Variants in AHNAK2 observed in about 807,000 individuals in gnomAD.
AHNAK2 encodes the protein AHNAK nucleoprotein 2, also known as protein AHNAK2.
A neutral mutation model predicts 30.7 loss-of-function variants in AHNAK2; 18 were observed. That is an observed-to-expected ratio of 0.59 (90% confidence interval 0.41 to 0.87). The LOEUF (loss-of-function observed/expected upper bound fraction) is 0.87. Among genes scored for constraint, AHNAK2 ranks in the 40% least tolerant of loss-of-function variants. The pLI is 0.00. For synonymous variants in AHNAK2, 3,590 were observed against 3,073.8 expected, an observed-to-expected ratio of 1.17 and a Z score of -5.56; for missense variants, 8,604 against 7,373.0, an observed-to-expected ratio of 1.17 and a Z score of -6.11.
chr14:104,941,196 C>T lies in AHNAK2; in HGVS notation c.14255G>A (p.Cys4752Tyr). 1.2e-6 allele frequency: 2 copies of T among 1,613,460 alleles called. No individual in the cohort carries two copies. The highest frequency in any genetic ancestry group is 1.1e-5 in the South Asian group (1 of 91,076). ...AGGCATCTGCATGGATGGCTCTGAA[C>T]AAGCCGAAACCTGTTGTAATTCAAA... The part of the protein sequence containing the change: ...SSFELQQVSA[C>Y]SEPSMQMPKV... The change falls in exon 7 of 7, where the codon TGT (cysteine) becomes TAT (tyrosine). Residue 4752 changes from cysteine to tyrosine, a missense_variant. By Grantham distance (194) the Cys-to-Tyr change is radical. Coordinates refer to ENST00000333244, the MANE Select transcript of AHNAK2 (RefSeq NM_138420.4).
intron 2 of AHNAK2, 41 bp downstream of exon 2, chr14:104,957,573 C>T (rs1899015467): frequency 1.2e-6 from 2 of 1,602,024 alleles, no homozygotes; most frequent in African/African-American, 1.3e-5. Flanking sequence ...AGAATGGGGG[C>T]AGGGTATGAG....
At chr14:104,970,830 A>T (rs532885969) in intron 1 of AHNAK2, among the ~76,000 whole-genome samples, 1 of 152,294 alleles carries the variant, frequency 6.6e-6, no homozygotes, top group South Asian at 2.1e-4. Context: ...GTGGACAGAC[A>T]CAGGCCTGAG....
At chr14:104,965,557 C>A (rs1234930954) in intron 1 of AHNAK2, among the ~76,000 whole-genome samples, 11 of 152,176 alleles carry the variant, frequency 7.2e-5, no homozygotes, top group Non-Finnish European at 1.6e-4. Flanking sequence ...CCAACTCTGG[C>A]GCCCTGGCCT....
rs377408094 is a variant in AHNAK2 at position 104,955,579 on chromosome 14, T to C, written c.370A>G (p.Ser124Gly). ...CCACCACCTGTGACACTGTAGCCAC[T>C]GGCTCCTGCCTCCACCTCTGTCTTC... ...TLKTEVEAGASGYSVTGGGDQ... is the reference protein window; with the variant it reads ...TLKTEVEAGAGGYSVTGGGDQ... The change falls in exon 5 of 7, where the codon AGT (serine) becomes GGT (glycine). Residue 124 changes from serine (S) to glycine (G), a missense_variant. Transcript: ENST00000333244. The C allele has an allele frequency of 1.2e-4, 189 of 1,613,608 alleles. No individual in the cohort carries two copies. The highest frequency in any genetic ancestry group is 1.5e-4 in the Non-Finnish European group (177 of 1,179,848).
chr14:104,958,464 A>C (rs1001597345), intron 1 of AHNAK2, among the ~76,000 whole-genome samples: 2 of 152,172 alleles, frequency 1.3e-5, no homozygotes, highest in Non-Finnish European at 2.9e-5. Context: ...GAAAAAAAAA[A>C]GTTTGTTCAA....
rs769452472 is a variant in AHNAK2, at chr14:104,946,265, G to A, written c.9186C>T (p.Pro3062=). Residue 3062 remains proline, a synonymous_variant, in exon 7 of 7, where the codon CCC becomes CCT. Coordinates refer to ENST00000333244, the MANE Select transcript of AHNAK2 (RefSeq NM_138420.4). ...TCTTGAAACTGGGCATCTGCAACTT[G>A]GGCAGGTGCCCTTTGAGGCCAGCTC... ...PEGAGLKGHL[P]KLQMPSFKMP... The A allele has an allele frequency of 1.1e-5, 18 of 1,609,906 alleles. No homozygotes were observed. Among genetic ancestry groups the A allele is most frequent in the Non-Finnish European group, 1.3e-5 (15 of 1,178,534 alleles).
chr14:104,967,951 G>A (rs867580938), intron 1 of AHNAK2, among the ~76,000 whole-genome samples: 2 of 152,214 alleles, frequency 1.3e-5, no homozygotes, highest in Admixed American at 6.5e-5. Context: ...GCCTTTGCCC[G>A]CCCGGCCTCC....
In AHNAK2 at chr14:104,953,166, T is replaced by C; in HGVS notation, c.2285A>G (p.Gln762Arg). 6.2e-7 allele frequency: 1 copy of C among 1,613,190 alleles called. No homozygotes were observed. Reference sequence around the variant, plus strand: ...TTTGGGCATCTTCAAACTGGGCCTCTGCACCTTGGGCAGGTGCCCTTTGAG... The same window carrying C: ...TTTGGGCATCTTCAAACTGGGCCTCCGCACCTTGGGCAGGTGCCCTTTGAG... ...ASLKGHLPKV[Q>R]RPSLKMPKVD... The change falls in exon 7 of 7, where the codon CAG becomes CGG. Residue 762 changes from glutamine (Q) to arginine (R), a missense_variant. By Grantham distance (43) the Gln-to-Arg change is conservative. Coordinates refer to ENST00000333244, the MANE Select transcript of AHNAK2 (RefSeq NM_138420.4).
At chr14:104,969,418 C>T (rs1899408829) in intron 1 of AHNAK2, among the ~76,000 whole-genome samples, 1 of 152,380 alleles carries the variant, frequency 6.6e-6, no homozygotes, top group Non-Finnish European at 1.5e-5. Flanking sequence ...CACAGGCGCT[C>T]TCTCTCTGGG....
At position 104,941,123 on chromosome 14, in the gene AHNAK2, A is replaced by T; in HGVS notation, c.14328T>A (p.Gly4776=). ...AGAGAATAGAAGATTCAAAGTGAGG[A>T]CCAGTGAGATCAAGCCGGGATGATG... is the stretch of plus-strand genomic sequence containing the variant. ...GFPSSRLDLT[G]PHFESSILSP... The change falls in exon 7 of 7, where the codon GGT becomes GGA. Residue 4776 remains glycine, a synonymous_variant. Coordinates refer to ENST00000333244, the MANE Select transcript of AHNAK2 (RefSeq NM_138420.4). 1 of 1,613,630 alleles carries T rather than the reference A, an allele frequency of 6.2e-7. No individual in the cohort carries two copies. Among genetic ancestry groups the T allele is most frequent in the Non-Finnish European group, 8.5e-7 (1 of 1,179,892 alleles).
intron 3 of AHNAK2, 106 bp downstream of exon 3, chr14:104,957,304 G>T: frequency 9.4e-7 from 1 of 1,065,012 alleles, no homozygotes; most frequent in Non-Finnish European, 1.3e-6. Flanking sequence ...TGCCCAGTGG[G>T]CAGCGGGGCA....
chr14:104,948,771 G>A lies in AHNAK2; in HGVS notation c.6680C>T (p.Pro2227Leu), dbSNP rs199989079. Residue 2227 changes from proline to leucine, a missense_variant, in exon 7 of 7, where the codon CCC (proline) becomes CTC (leucine). By Grantham distance (98) the Pro-to-Leu change is moderately conservative. Coordinates refer to ENST00000333244, the MANE Select transcript of AHNAK2 (RefSeq NM_138420.4). ...VDVKLLEGPV[P>L]EEVGLKGHLP... The stretch of plus-strand genomic sequence containing the variant: ...GTGCCCTTTGAGGCCGACTTCCTCG[G>A]GCACAGGGCCCTCCAGGAGTTTCAC... The A allele has an allele frequency of 4.5e-4, 727 of 1,612,018 alleles. 39 individuals carry two copies. The African/African-American group carries it at 9.0e-3, about 20-fold the overall frequency.
Position 104,942,627 on chromosome 14 carries a change from A to C in AHNAK2, c.12824T>G (p.Leu4275Arg), listed in dbSNP as rs775549777. Residue 4275 changes from leucine (L) to arginine (R), a missense_variant, in exon 7 of 7, where the codon CTG becomes CGG. Coordinates refer to ENST00000333244, the MANE Select transcript of AHNAK2 (RefSeq NM_138420.4). ...GTCACCCTCCAGCCGCACACTGTCCAGCTTGGCTCCCGGGGCCTCGACGTC... is the reference window on the plus strand; with the variant it reads ...GTCACCCTCCAGCCGCACACTGTCCCGCTTGGCTCCCGGGGCCTCGACGTC... Reference protein sequence around the residue: ...EVDVEAPGAKLDSVRLEGDLS... With the variant: ...EVDVEAPGAKRDSVRLEGDLS... 1 of 1,613,230 alleles carries C rather than the reference A, an allele frequency of 6.2e-7. No homozygotes were observed. Among genetic ancestry groups the C allele is most frequent in the East Asian group, 2.2e-5 (1 of 44,778 alleles).
rs1898748984 is a variant in AHNAK2, at chr14:104,951,996, G to A, written c.3455C>T (p.Ala1152Val). 1.2e-6 allele frequency: 2 copies of A among 1,612,470 alleles called. No homozygotes were observed. The highest frequency in any genetic ancestry group is 8.5e-7 in the Non-Finnish European group (1 of 1,179,584). Residue 1152 changes from alanine to valine, a missense_variant, in exon 7 of 7, where the codon GCC becomes GTC. Ala to Val is a moderately conservative substitution (Grantham distance 64, BLOSUM62 0). Coordinates refer to ENST00000333244, the MANE Select transcript of AHNAK2 (RefSeq NM_138420.4). The part of the protein sequence containing the change: ...SARLEGELSL[A>V]DKDVTAKDSR... ...GTCTTTGGCAGTCACATCCTTGTCG[G>A]CCAGGGACAGTTCCCCCTCCAGCCG...
At chr14:104,970,469 G>A in intron 1 of AHNAK2, 1 of 985,580 alleles carries the variant, frequency 1.0e-6, no homozygotes, top group Non-Finnish European at 1.2e-6. Context: ...GGAAGCTACA[G>A]ACGCTCTCCC....
chr14:104,971,981 G>A (rs1365957990), intron 1 of AHNAK2, among the ~76,000 whole-genome samples: 1 of 152,248 alleles, frequency 6.6e-6, no homozygotes, highest in African/African-American at 2.4e-5. Flanking sequence ...GGAAGAGGTG[G>A]GAAGGTGCAG....
Position 104,943,840 on chromosome 14 carries a change from G to A in AHNAK2, c.11611C>T (p.Leu3871Phe). 2 of 1,613,204 alleles carry A rather than the reference G, an allele frequency of 1.2e-6. No homozygotes were observed. The highest frequency in any genetic ancestry group is 8.5e-7 in the Non-Finnish European group (1 of 1,179,580). The change falls in exon 7 of 7, where the codon CTC becomes TTC. Residue 3871 changes from leucine to phenylalanine, a missense_variant. Physicochemically the swap from Leu to Phe is conservative, Grantham distance 22 (BLOSUM62 0). Coordinates refer to ENST00000333244, the MANE Select transcript of AHNAK2 (RefSeq NM_138420.4). ...TCCTCGGGCACGTGGCCCTCCAGGA[G>A]TTTCATGTCCACCTGGCGAGCTTGG... ...TVQARQVDMK[L>F]LEGHVPEEAG... is the part of the protein sequence containing the mutation.
chr14:104,940,911 C>T lies in AHNAK2; in HGVS notation c.14540G>A (p.Gly4847Asp). Reference sequence around the variant, plus strand: ...AACAGGAATCATGGAATTCAGTGGGCCAGAGTGACTCTCAGCTTGAGATGT... The same window carrying T: ...AACAGGAATCATGGAATTCAGTGGGTCAGAGTGACTCTCAGCTTGAGATGT... The part of the protein sequence containing the change: ...VPTSQAESHS[G>D]PLNSMIPVSL... Residue 4847 changes from glycine to aspartate, a missense_variant, in exon 7 of 7, where the codon GGC becomes GAC. Transcript: ENST00000333244. The surrounding 1 kb of genome is among the most constrained non-coding windows in gnomAD (Gnocchi z 4.4). 1 of 1,612,518 alleles carries T rather than the reference C, an allele frequency of 6.2e-7. No homozygotes were observed. Among genetic ancestry groups the T allele is most frequent in the Non-Finnish European group, 8.5e-7 (1 of 1,179,556 alleles).
rs1566903337 is a variant in AHNAK2 at position 104,945,075 on chromosome 14, AG to A, written c.10375del (p.Leu3459CysfsTer8). 6.2e-7 allele frequency: 1 copy of A among 1,613,174 alleles called. No individual in the cohort carries two copies. The highest frequency in any genetic ancestry group is 1.7e-5 in the Admixed American group (1 of 59,972). ...AGTCACATCCTTTTCAGCCAGGGACAGGTCCCCCTCCAGCCGCGCACCATCC... is the reference window on the plus strand; with the variant it reads ...AGTCACATCCTTTTCAGCCAGGGACAGTCCCCCTCCAGCCGCGCACCATCC... ...KLDGARLEGD[L>X]SLAEKDVTAK... On this transcript the variant is annotated frameshift_variant, in exon 7 of 7. Transcript: ENST00000333244. LOFTEE classifies it low-confidence loss of function (END_TRUNC).
Sources: gnomAD v4.1 joint callset for allele counts (sites outside exome capture counted in the v4.1 genomes callset) on GRCh38, gnomAD v4.1.1 for gene constraint, Gnocchi (gnomAD v3.1) non-coding constraint, MANE v1.5 for transcripts, NCBI Gene and HGNC (gene_info 2026-07-23, HGNC 2026-07-21) for gene names.